Variants in PHACTR3 observed in about 807,000 individuals in gnomAD.
PHACTR3 encodes phosphatase and actin regulator 3, also known as protein phosphatase 1, regulatory subunit 123.
PHACTR3 carries 16 observed loss-of-function variants against 66.8 expected under a neutral mutation model. That is an observed-to-expected ratio of 0.24 (90% CI 0.16 to 0.36). The LOEUF is 0.36. PHACTR3 is among the 10% of genes least tolerant of loss of function. The pLI is 1.00. For synonymous variants in PHACTR3, 323 were observed against 292.1 expected (o/e 1.11, Z -1.08); for missense variants, 647 against 719.9 (o/e 0.90, Z 1.16).
At chr20:59,720,694 A>G (rs1296653991) in intron 1 of PHACTR3, among the ~76,000 whole-genome samples, 1 of 152,168 alleles carries the variant, frequency 6.6e-6, no homozygotes, top group African/African-American at 2.4e-5. Context: ...TTTTTTTTCC[A>G]GAATCCTCTT....
chr20:59,750,254 A>C (rs1041444114), intron 3 of PHACTR3, among the ~76,000 whole-genome samples: 2 of 151,884 alleles, frequency 1.3e-5, no homozygotes, highest in East Asian at 3.9e-4. Context: ...TCAGGTCCAA[A>C]GGTGGGCAGG....
At chr20:59,681,194 G>A (rs1282961306) in intron 1 of PHACTR3, among the ~76,000 whole-genome samples, 2 of 152,104 alleles carry the variant, frequency 1.3e-5, no homozygotes, top group African/African-American at 2.4e-5. Flanking sequence ...ATTTACTTCT[G>A]GCCTGTTGCA....
chr20:59,607,390 A>T (rs1043199071), intron 1 of PHACTR3, among the ~76,000 whole-genome samples: 20 of 152,154 alleles, frequency 1.3e-4, no homozygotes, highest in Non-Finnish European at 1.2e-4. Flanking sequence ...TGCTGCTCTA[A>T]TGTGAGACTC....
chr20:59,651,827 T>TGGTAGGTAGGTA (rs3042679), intron 1 of PHACTR3, among the ~76,000 whole-genome samples: 6 of 147,696 alleles, frequency 4.1e-5, no homozygotes, highest in South Asian at 2.2e-4. Context: ...AGGATCTTTT[T>TGGTAGGTAGGTA]GGTAGGTAGG....
intron 1 of PHACTR3, among the ~76,000 whole-genome samples, chr20:59,655,178 C>A (rs2035578323): frequency 6.6e-6 from 1 of 152,040 alleles, no homozygotes. Context: ...CTAGTTGCTT[C>A]ACACCTTTTT....
At chr20:59,831,279 C>T (rs2042365348) in intron 8 of PHACTR3, among the ~76,000 whole-genome samples, 1 of 152,192 alleles carries the variant, frequency 6.6e-6, no homozygotes, top group Admixed American at 6.5e-5. Flanking sequence ...CAGGGCCTGC[C>T]CAGCCTCTTC....
Position 59,654,426 on chromosome 20 carries a change from G to A in PHACTR3, c.118+49294G>A, listed in dbSNP as rs181517475. ...TTATCAATAGGTGTTAACAGCATTAGGTAACTATCAATGGGGAATTTTATA... is the reference window on the plus strand; with the variant it reads ...TTATCAATAGGTGTTAACAGCATTAAGTAACTATCAATGGGGAATTTTATA... On this transcript the variant is annotated intron_variant, in intron 1 of 12. Coordinates refer to ENST00000371015, the MANE Select transcript of PHACTR3 (RefSeq NM_080672.5). 6.8e-3 allele frequency among the ~76,000 whole-genome samples: 1,040 copies of A among 152,206 alleles called. 3 individuals carry two copies. The highest frequency in any genetic ancestry group is 0.011 in the Admixed American group (163 of 15,298).
chr20:59,609,435 G>A (rs1020728207), intron 1 of PHACTR3, among the ~76,000 whole-genome samples: 9 of 152,020 alleles, frequency 5.9e-5, no homozygotes, highest in African/African-American at 1.2e-4. Flanking sequence ...TGCCAGACAC[G>A]GGCCTCCTGG....
At chr20:59,788,528 C>T (rs2040992920) in intron 7 of PHACTR3, among the ~76,000 whole-genome samples, 1 of 152,180 alleles carries the variant, frequency 6.6e-6, no homozygotes, top group Non-Finnish European at 1.5e-5. Flanking sequence ...CTTCCCTGAC[C>T]CGCCCCTAAA....
intron 8 of PHACTR3, among the ~76,000 whole-genome samples, chr20:59,825,208 T>C (rs1031940553): frequency 3.3e-5 from 5 of 152,220 alleles, no homozygotes; most frequent in Non-Finnish European, 7.3e-5. Flanking sequence ...TACTGCCTTT[T>C]GTACTCTGGT....
chr20:59,611,810 A>G (rs183704359), intron 1 of PHACTR3, among the ~76,000 whole-genome samples: 1 of 152,312 alleles, frequency 6.6e-6, no homozygotes, highest in Non-Finnish European at 1.5e-5. Flanking sequence ...CACCTTCACA[A>G]GTTATTCCCT....
At chr20:59,802,927 G>A (rs7260962) in intron 7 of PHACTR3, among the ~76,000 whole-genome samples, 5,376 of 152,324 alleles carry the variant, frequency 0.035, 318 homozygotes, top group African/African-American at 0.12. Flanking sequence ...ATAAATGAAA[G>A]TTGTGTACTT....
In PHACTR3 at chr20:59,803,836, G is replaced by A. The variant is rs188086810; in HGVS notation, c.1175-2205G>A. On this transcript the variant is annotated intron_variant, in intron 7 of 12. Coordinates refer to ENST00000371015, the MANE Select transcript of PHACTR3 (RefSeq NM_080672.5). Reference sequence around the variant, plus strand: ...TTTTAGGAGACAGACTCCTAGAAGTGGGATTTCCAGATCAAAGGTTAGGAT... The same window carrying A: ...TTTTAGGAGACAGACTCCTAGAAGTAGGATTTCCAGATCAAAGGTTAGGAT... Among the ~76,000 whole-genome samples the A allele has an allele frequency of 2.4e-3, 361 of 152,282 alleles. 6 individuals are homozygous for A. Among genetic ancestry groups the A allele is most frequent in the Admixed American group, 0.017 (255 of 15,300 alleles).
intron 1 of PHACTR3, among the ~76,000 whole-genome samples, chr20:59,622,992 A>AAAAAAAAAAAAAAAAAAAAAAAAAAAAC (rs1371507011): frequency 1.4e-5 from 2 of 145,176 alleles, no homozygotes; most frequent in African/African-American, 5.1e-5. Context: ...AAAAAAAAAA[A>AAAAAAAAAAAAAAAAAAAAAAAAAAAAC]AAAAAAAAAC....
intron 1 of PHACTR3, among the ~76,000 whole-genome samples, chr20:59,659,292 C>T (rs1228754214): frequency 2.6e-5 from 4 of 151,488 alleles, no homozygotes; most frequent in African/African-American, 9.7e-5. Context: ...TGTCAAATAA[C>T]AGCACATTCT....
intron 8 of PHACTR3, among the ~76,000 whole-genome samples, chr20:59,828,622 C>T (rs926371638): frequency 6.6e-6 from 1 of 151,878 alleles, no homozygotes. Context: ...AGGAGAAGGA[C>T]ATCTTTGCCG....
At chr20:59,807,925 C>G (rs149001336) in intron 8 of PHACTR3, among the ~76,000 whole-genome samples, 237 of 152,298 alleles carry the variant, frequency 1.6e-3, no homozygotes, top group Non-Finnish European at 2.9e-3. Context: ...TGGCTGTGAC[C>G]CAGAGCCACG....
At chr20:59,753,499 C>A (rs1436130634) in intron 3 of PHACTR3, among the ~76,000 whole-genome samples, 1 of 152,206 alleles carries the variant, frequency 6.6e-6, no homozygotes, top group African/African-American at 2.4e-5. Context: ...CCTAAGCCTG[C>A]TGTTAGCAGA....
intron 7 of PHACTR3, among the ~76,000 whole-genome samples, chr20:59,784,647 C>T (rs2040842834): frequency 6.6e-6 from 1 of 152,150 alleles, no homozygotes; most frequent in Non-Finnish European, 1.5e-5. Context: ...GACCTTTATT[C>T]ACCCTGTAAA....
Sources: gnomAD v4.1 joint callset for allele counts (sites outside exome capture counted in the v4.1 genomes callset) on GRCh38, gnomAD v4.1.1 for gene constraint, MANE v1.5 for transcripts, NCBI Gene and HGNC (gene_info 2026-07-23, HGNC 2026-07-21) for gene names.